Variants in AMPH observed in about 807,000 individuals in gnomAD.
AMPH encodes amphiphysin (Stiff-Mann syndrome with breast cancer 128kD autoantigen).
AMPH carries 49 observed loss-of-function variants against 99.1 expected under a neutral mutation model. The observed-to-expected ratio is 0.49, with a 90% CI of 0.39 to 0.63. The LOEUF (loss-of-function observed/expected upper bound fraction) is 0.63, where lower values mean the gene tolerates loss of function less well. Among genes scored for constraint, AMPH ranks in the 20% least tolerant of loss-of-function variants. The pLI is 0.00. For synonymous variants in AMPH, 314 were observed against 317.3 expected, an observed-to-expected ratio of 0.99 and a Z score of 0.11; for missense variants, 759 against 863.4, an observed-to-expected ratio of 0.88 and a Z score of 1.52.
chr7:38,468,343 T>C (rs2129011253), intron 7 of AMPH, among the ~76,000 whole-genome samples: 1 of 152,336 alleles, frequency 6.6e-6, no homozygotes, highest in East Asian at 1.9e-4. Flanking sequence ...CTTAGTATTG[T>C]TTTTCTTATC....
At chr7:38,605,544 CT>C (rs1032608993) in intron 1 of AMPH, among the ~76,000 whole-genome samples, 2 of 152,032 alleles carry the variant, frequency 1.3e-5, no homozygotes, top group African/African-American at 4.8e-5. Flanking sequence ...TCACTGGAGA[CT>C]TATAATGGTT....
intron 4 of AMPH, among the ~76,000 whole-genome samples, chr7:38,493,975 G>C (rs1034502980): frequency 6.6e-6 from 1 of 152,018 alleles, no homozygotes; most frequent in Non-Finnish European, 1.5e-5. Flanking sequence ...TATTTTCTTC[G>C]AGATGGAGTC....
intron 1 of AMPH, among the ~76,000 whole-genome samples, chr7:38,595,180 G>A (rs1029941507): frequency 6.6e-6 from 1 of 152,116 alleles, no homozygotes; most frequent in African/African-American, 2.4e-5. Context: ...CCCCTGCTTT[G>A]GGGACACAAG....
chr7:38,567,845 A>AGG (rs1791802665), intron 1 of AMPH, among the ~76,000 whole-genome samples: 1 of 152,194 alleles, frequency 6.6e-6, no homozygotes, highest in African/African-American at 2.4e-5. Flanking sequence ...AACCCATGTG[A>AGG]TTATTATGAC....
chr7:38,427,438 T>A (rs998032703), intron 14 of AMPH, among the ~76,000 whole-genome samples: 5 of 152,162 alleles, frequency 3.3e-5, no homozygotes, highest in African/African-American at 1.2e-4. Context: ...CTTTTTGGAG[T>A]GGAACCACTT....
chr7:38,436,485 T>A, intron 11 of AMPH, 97 bp from the exon 12 acceptor site: 1 of 897,414 alleles, frequency 1.1e-6, no homozygotes, highest in Non-Finnish European at 1.8e-6. Flanking sequence ...AATATTATTA[T>A]TGAGTATCTC....
intron 2 of AMPH, among the ~76,000 whole-genome samples, chr7:38,523,955 T>A (rs1790068672): frequency 6.6e-6 from 1 of 152,182 alleles, no homozygotes; most frequent in Non-Finnish European, 1.5e-5. Flanking sequence ...TATTTATGTA[T>A]TAACTCTATA....
chr7:38,598,992 A>T (rs907939540), intron 1 of AMPH, among the ~76,000 whole-genome samples: 2 of 152,170 alleles, frequency 1.3e-5, no homozygotes, highest in African/African-American at 4.8e-5. Context: ...CTTGTCTCCC[A>T]TGACTTTAGT....
chr7:38,555,073 G>A (rs913835906), intron 1 of AMPH, among the ~76,000 whole-genome samples: 21 of 152,146 alleles, frequency 1.4e-4, no homozygotes, highest in African/African-American at 4.8e-4. Context: ...GAAGTGGTGA[G>A]CACAACTTGG....
At chr7:38,544,132 A>G (rs990091807) in intron 1 of AMPH, among the ~76,000 whole-genome samples, 1 of 152,210 alleles carries the variant, frequency 6.6e-6, no homozygotes, top group Admixed American at 6.5e-5. Context: ...GACTAACCAT[A>G]TCATATTGTC....
chr7:38,618,971 T>C (rs1584313018), intron 1 of AMPH, among the ~76,000 whole-genome samples: 1 of 152,114 alleles, frequency 6.6e-6, no homozygotes, highest in East Asian at 1.9e-4. Context: ...CAAAATACTG[T>C]CTATGAGAGA....
chr7:38,610,372 A>AGAAAG lies in AMPH; in HGVS notation c.69+20906_69+20910dup, dbSNP rs1264887051. Among the ~76,000 whole-genome samples the AGAAAG allele has an allele frequency of 7.0e-4, 26 of 36,966 alleles. 2 individuals carry two copies. Among genetic ancestry groups the AGAAAG allele is most frequent in the African/African-American group, 2.3e-3 (22 of 9,448 alleles). The allele number at this position is 36,966 out of a possible 152,430, so 24.3% of individuals were successfully genotyped here. A position where few individuals can be genotyped will look rare whatever the true frequency, so the allele number is the denominator to read the frequency against. ...AGAAAAGAAAAGAAAAGAAAAGAAA[A>AGAAAG]GAAAGGAAAGGAAAAGAAAAGAAAA... On this transcript the variant is annotated intron_variant, in intron 1 of 20. Transcript: ENST00000356264.
intron 7 of AMPH, among the ~76,000 whole-genome samples, chr7:38,468,070 A>G (rs1223929857): frequency 6.6e-6 from 1 of 152,164 alleles, no homozygotes; most frequent in African/African-American, 2.4e-5. Context: ...AGATTTCTTG[A>G]AGGTATTTGC....
At chr7:38,529,491 C>T (rs568138599) in intron 2 of AMPH, among the ~76,000 whole-genome samples, 2 of 152,314 alleles carry the variant, frequency 1.3e-5, no homozygotes, top group African/African-American at 4.8e-5. Flanking sequence ...CTGCTGGGTG[C>T]GACCTGCTGT....
chr7:38,560,192 G>T (rs113201982), intron 1 of AMPH, among the ~76,000 whole-genome samples: 1 of 152,114 alleles, frequency 6.6e-6, no homozygotes, highest in Non-Finnish European at 1.5e-5. Context: ...ATAGGCAAGC[G>T]GAGGCTTGAA....
Position 38,391,583 on chromosome 7 carries a change from T to A in AMPH, c.1878+165A>T, listed in dbSNP as rs1784494492. On this transcript the variant is annotated intron_variant, in intron 19 of 20. Coordinates refer to ENST00000356264, the MANE Select transcript of AMPH (RefSeq NM_001635.4). ...TATTCTTTGTTAAAACATGAAAATC[T>A]ATTACTGTAGTCCTGGCTTGTCCAA... Among the ~76,000 whole-genome samples the A allele has an allele frequency of 1.3e-5, 2 of 152,256 alleles. 1 individual carries two copies. Among genetic ancestry groups the A allele is most frequent in the East Asian group, 3.8e-4 (2 of 5,202 alleles).
intron 11 of AMPH, among the ~76,000 whole-genome samples, chr7:38,454,637 C>T (rs3778882): frequency 0.098 from 14,868 of 152,126 alleles, 975 homozygotes; most frequent in Middle Eastern, 0.21. Context: ...GGAACACTGA[C>T]TTTCATTTGC....
chr7:38,407,048 C>CTCTCTCTCTCTATATATATA (rs1241166935), intron 17 of AMPH, among the ~76,000 whole-genome samples: 2 of 31,264 alleles, frequency 6.4e-5, no homozygotes, highest in African/African-American at 1.1e-4. Context: ...CTCTCTCTCT[C>CTCTCTCTCTCTATATATATA]TATATATATA....
At chr7:38,402,239 G>T (rs530256185) in intron 17 of AMPH, among the ~76,000 whole-genome samples, 2 of 151,956 alleles carry the variant, frequency 1.3e-5, no homozygotes, top group East Asian at 3.8e-4. Context: ...ACCTATCGAG[G>T]TCATCTTGAG....
Sources: allele counts gnomAD v4.1 joint callset (sites outside exome capture counted in the v4.1 genomes callset), GRCh38; gene constraint gnomAD v4.1.1; transcripts MANE v1.5; gene names NCBI Gene and HGNC (gene_info 2026-07-23, HGNC 2026-07-21).